Variants in MRPS11 observed in about 807,000 individuals in gnomAD.
MRPS11 encodes mitochondrial ribosomal protein S11.
A neutral mutation model predicts 24.3 loss-of-function variants in MRPS11; 27 were observed. That is an observed-to-expected ratio of 1.11 (90% CI 0.82 to 1.53). The LOEUF is 1.53. Ranked by LOEUF, MRPS11 falls within the 40% of genes most tolerant of loss-of-function variation. The pLI is 0.00. For synonymous variants in MRPS11, 104 were observed against 98.7 expected, an observed-to-expected ratio of 1.05 and a Z score of -0.32; for missense variants, 277 against 256.5, an observed-to-expected ratio of 1.08 and a Z score of -0.55.
In MRPS11 at chr15:88,474,971, A is replaced by AT. The variant is rs1455092867; in HGVS notation, c.282-138dup. 40 of 985,360 alleles carry AT rather than the reference A, an allele frequency of 4.1e-5. No homozygotes were observed. The African/African-American group carries it at 5.2e-4, about 13-fold the overall frequency. 61.0% of individuals were successfully genotyped at this position (985,360 alleles called of 1,614,324 possible). On this transcript the variant is annotated intron_variant, in intron 3 of 5. Coordinates refer to ENST00000325844, the MANE Select transcript of MRPS11 (RefSeq NM_022839.5). ...GATACTTCCTGTAGGAGTTCAAAAC[A>AT]TGTTCATCTGAGAAGCTCAAAGTAG... is the stretch of plus-strand genomic sequence containing the variant.
chr15:88,468,162 C>T (rs1465570226), intron 2 of MRPS11, 138 bp downstream of exon 2: 3 of 1,454,664 alleles, frequency 2.1e-6, no homozygotes, highest in Middle Eastern at 2.5e-4. Flanking sequence ...ATCTGAGCCT[C>T]AGCCTTCTCA....
chr15:88,475,211 C>G lies in MRPS11; in HGVS notation c.383C>G (p.Ala128Gly), dbSNP rs2055796935. 1 of 1,614,124 alleles carries G rather than the reference C, an allele frequency of 6.2e-7. No individual in the cohort carries two copies. Reference sequence around the variant, plus strand: ...GCCAAGAAGGGCACAGGCATCGCAGCACAGACAGCAGGCATAGCCGCAGCG... The same window carrying G: ...GCCAAGAAGGGCACAGGCATCGCAGGACAGACAGCAGGCATAGCCGCAGCG... ...RNAKKGTGIA[A>G]QTAGIAAAAR... Residue 128 changes from alanine to glycine, a missense_variant, in exon 4 of 6, where the codon GCA (alanine) becomes GGA (glycine). Transcript: ENST00000325844. This position sits in a 1 kb window ranked among gnomAD's most constrained non-coding sequence, Gnocchi z 4.1.
chr15:88,474,523 C>G (rs1456465325), intron 3 of MRPS11, among the ~76,000 whole-genome samples: 1 of 148,372 alleles, frequency 6.7e-6, no homozygotes, highest in Non-Finnish European at 1.5e-5. Context: ...CGTGCCATTG[C>G]ACTCCAGCCT....
intron 1 of MRPS11, 63 bp downstream of exon 1, chr15:88,467,845 C>G: frequency 3.7e-6 from 6 of 1,612,876 alleles, no homozygotes; most frequent in Non-Finnish European, 5.1e-6. Context: ...TACTCGTGTC[C>G]CTTGAGCCAC....
rs16941951 is a variant in MRPS11, at chr15:88,477,413, T to C, written c.477+359T>C. On this transcript the variant is annotated intron_variant, in intron 5 of 5. Transcript: ENST00000325844. The surrounding 1 kb of genome is among the most constrained non-coding windows in gnomAD (Gnocchi z 5.7). ...GATCCCGAACCTAGCAGGGATAATC[T>C]TTCCTGATGATCATTAGCACAGATA... Among the ~76,000 whole-genome samples, 3,158 of 152,320 alleles carry C rather than the reference T, an allele frequency of 0.021. 119 individuals carry two copies. Among genetic ancestry groups the C allele is most frequent in the African/African-American group, 0.07 (2,913 of 41,552 alleles).
At chr15:88,474,272 A>G (rs2055774274) in intron 3 of MRPS11, among the ~76,000 whole-genome samples, 2 of 152,272 alleles carry the variant, frequency 1.3e-5, no homozygotes, top group Non-Finnish European at 2.9e-5. Context: ...AAAGTATCCA[A>G]TATGAGGCCG....
intron 3 of MRPS11, among the ~76,000 whole-genome samples, chr15:88,473,026 G>A (rs778481078): frequency 3.7e-4 from 56 of 152,196 alleles, no homozygotes; most frequent in Non-Finnish European, 7.2e-4. Context: ...AGGGGCATAT[G>A]GTCCCACCAT....
At chr15:88,470,362 T>A (rs569346983) in intron 2 of MRPS11, among the ~76,000 whole-genome samples, 16 of 152,288 alleles carry the variant, frequency 1.1e-4, no homozygotes, top group African/African-American at 3.6e-4. Context: ...CTTCAGACTT[T>A]AGCTAGAGAT....
chr15:88,472,493 A>G, intron 2 of MRPS11, 134 bp from the exon 3 acceptor site: 1 of 669,154 alleles, frequency 1.5e-6, no homozygotes, highest in East Asian at 2.8e-5. Context: ...AGAAGGACTG[A>G]AAAGGAATGG....
rs962322358 is a variant in MRPS11 at position 88,475,652 on chromosome 15, A to G, written c.411+413A>G. The stretch of plus-strand genomic sequence containing the variant: ...ACCACTGCACTAAAGCCTGGGCAAC[A>G]GAGAGAGACCCTGTCTCCAAAATAA... On this transcript the variant is annotated intron_variant, in intron 4 of 5. Coordinates refer to ENST00000325844, the MANE Select transcript of MRPS11 (RefSeq NM_022839.5). This position sits in a 1 kb window ranked among gnomAD's most constrained non-coding sequence, Gnocchi z 4.1. Among the ~76,000 whole-genome samples, 4 of 152,122 alleles carry G rather than the reference A, an allele frequency of 2.6e-5. No homozygotes were observed. Among genetic ancestry groups the G allele is most frequent in the African/African-American group, 9.7e-5 (4 of 41,434 alleles).
At position 88,479,166 on chromosome 15, in the gene MRPS11, G is replaced by C. The variant is rs1052492976; in HGVS notation, c.*1187G>C. ...AGTGGGGCACAACTCAGGACCCCCA[G>C]GCAGGACTGACTGCTCCTCTGTTGG... On this transcript the variant is annotated 3_prime_UTR_variant, in exon 6 of 6. Coordinates refer to ENST00000325844, the MANE Select transcript of MRPS11 (RefSeq NM_022839.5). 1 of 152,210 alleles carries C rather than the reference G, an allele frequency of 6.6e-6. No homozygotes were observed. The highest frequency in any genetic ancestry group is 2.4e-5 in the African/African-American group (1 of 41,448). 9.4% of individuals were successfully genotyped at this position (152,210 alleles called of 1,614,324 possible).
In MRPS11 at chr15:88,469,328, A is replaced by C. The variant is rs985310079; in HGVS notation, c.182+1304A>C. Among the ~76,000 whole-genome samples the C allele has an allele frequency of 3.9e-5, 6 of 152,248 alleles. No individual in the cohort carries two copies. Among genetic ancestry groups the C allele is most frequent in the African/African-American group, 1.4e-4 (6 of 41,466 alleles). On this transcript the variant is annotated intron_variant, in intron 2 of 5. Transcript: ENST00000325844. The surrounding 1 kb of genome is among the most constrained non-coding windows in gnomAD (Gnocchi z 4.4). ...AGGAGCTGCTGAAAGCATCTAAACC[A>C]AGATTCTGTTGTAGTCATTTCTTCA...
At position 88,467,737 on chromosome 15, in the gene MRPS11, C is replaced by T. The variant is rs144247178; in HGVS notation, c.20C>T (p.Ala7Val). Residue 7 changes from alanine to valine, a missense_variant, in exon 1 of 6, where the codon GCG (alanine) becomes GTG (valine). Coordinates refer to ENST00000325844, the MANE Select transcript of MRPS11 (RefSeq NM_022839.5). Reference protein sequence around the residue: MQAVRNAGSRFLRSWTW... With the variant: MQAVRNVGSRFLRSWTW... ...CAAGTCATGCAGGCTGTGAGAAACG[C>T]GGGGTCGCGGTTCCTGCGGTCCTGG... 4.6e-5 allele frequency: 74 copies of T among 1,614,076 alleles called. No homozygotes were observed. The highest frequency in any genetic ancestry group is 3.6e-4 in the African/African-American group (27 of 75,056).
rs762797699 is a variant in MRPS11 at position 88,467,931 on chromosome 15, C to T, written c.89C>T (p.Ala30Val). The stretch of plus-strand genomic sequence containing the variant: ...AGCAGGGTCGTGGCCAGAACGCCGG[C>T]CGGGACCATCTGCACAGGCGCTCGA... ...TAGRVVARTP[A>V]GTICTGARQL... Residue 30 changes from alanine (A) to valine (V), a missense_variant, in exon 2 of 6, where the codon GCC (alanine) becomes GTC (valine). Coordinates refer to ENST00000325844, the MANE Select transcript of MRPS11 (RefSeq NM_022839.5). 6.2e-7 allele frequency: 1 copy of T among 1,613,666 alleles called. No individual in the cohort carries two copies. The highest frequency in any genetic ancestry group is 8.5e-7 in the Non-Finnish European group (1 of 1,179,994).
Position 88,477,487 on chromosome 15 carries a change from A to G in MRPS11, c.478-385A>G, listed in dbSNP as rs527531532. ...GACATCTCTCTGACTTTGCAGGAAT[A>G]ATGAGGTATCAGGGAGGTGGAGGCA... On this transcript the variant is annotated intron_variant, in intron 5 of 5. Coordinates refer to ENST00000325844, the MANE Select transcript of MRPS11 (RefSeq NM_022839.5). This position sits in a 1 kb window ranked among gnomAD's most constrained non-coding sequence, Gnocchi z 5.7. Among the ~76,000 whole-genome samples, 83 of 152,298 alleles carry G rather than the reference A, an allele frequency of 5.4e-4. 2 individuals are homozygous for G. The South Asian group carries it at 0.016, about 30-fold the overall frequency.
chr15:88,467,993 C>T lies in MRPS11; in HGVS notation c.151C>T (p.Gln51Ter), dbSNP rs147602817. Residue 51 changes from glutamine to a stop codon, truncating the protein, a stop_gained, in exon 2 of 6, where the codon CAG (glutamine) becomes TAG (stop). Transcript: ENST00000325844. LOFTEE classifies it high-confidence loss of function. ...CGCTGCGGCCAAGCAGAAAGTTGAA[C>T]AGAACGCGGCTCCCAGCCACACCAA... is the stretch of plus-strand genomic sequence containing the variant. ...QDAAAKQKVE[Q>*]NAAPSHTKFS... 4 of 1,608,096 alleles carry T rather than the reference C, an allele frequency of 2.5e-6. No homozygotes were observed. The highest frequency in any genetic ancestry group is 1.3e-5 in the African/African-American group (1 of 74,730).
intron 2 of MRPS11, chr15:88,468,569 G>C (rs1404335643): frequency 2.1e-6 from 2 of 944,106 alleles, no homozygotes; most frequent in Admixed American, 1.2e-4. Context: ...CACCATGCTA[G>C]GTGCCGTGAA....
At chr15:88,470,367 A>G (rs1360363249) in intron 2 of MRPS11, among the ~76,000 whole-genome samples, 1 of 152,228 alleles carries the variant, frequency 6.6e-6, no homozygotes, top group Non-Finnish European at 1.5e-5. Flanking sequence ...GACTTTAGCT[A>G]GAGATATACA....
intron 4 of MRPS11, among the ~76,000 whole-genome samples, chr15:88,476,094 G>A (rs986418497): frequency 1.3e-5 from 2 of 152,176 alleles, no homozygotes; most frequent in African/African-American, 4.8e-5. Context: ...ACCTTTTTTA[G>A]AAGCAAATTG....
Sources: allele counts gnomAD v4.1 joint callset (sites outside exome capture counted in the v4.1 genomes callset), GRCh38; gene constraint gnomAD v4.1.1; non-coding constraint Gnocchi (gnomAD v3.1); transcripts MANE v1.5; gene names NCBI Gene and HGNC (gene_info 2026-07-23, HGNC 2026-07-21).